CTNNA2: variants seen among roughly 807,000 people sequenced by gnomAD.
CTNNA2 encodes catenin alpha-2.
In CTNNA2, 42 loss-of-function variants were observed where a neutral mutation model predicts 101.0. The observed-to-expected ratio is 0.42, with a 90% CI of 0.32 to 0.54. CTNNA2 has a LOEUF of 0.54. Among genes scored for constraint, CTNNA2 ranks in the 20% least tolerant of loss-of-function variants. The pLI is 0.14. For missense variants in CTNNA2, 871 were observed against 1,223.1 expected (o/e 0.71, Z 4.29); for synonymous variants, 450 against 456.4 (o/e 0.99, Z 0.18).
At chr2:79,826,208 A>G (rs1466695902) in intron 3 of CTNNA2, among the ~76,000 whole-genome samples, 1 of 152,264 alleles carries the variant, frequency 6.6e-6, no homozygotes, top group Non-Finnish European at 1.5e-5. Flanking sequence ...TGAATCATTC[A>G]GATTTTATAA....
chr2:80,179,582 C>A (rs1025558776), intron 7 of CTNNA2, among the ~76,000 whole-genome samples: 2 of 152,072 alleles, frequency 1.3e-5, no homozygotes, highest in Admixed American at 1.3e-4. Flanking sequence ...ACCGTGTTAG[C>A]CAGGATGGTC....
intron 7 of CTNNA2, among the ~76,000 whole-genome samples, chr2:80,308,574 G>A (rs887391954): frequency 2.6e-5 from 4 of 152,150 alleles, no homozygotes; most frequent in Non-Finnish European, 5.9e-5. Context: ...GAGAGGCTGA[G>A]GGTGGGGGCC....
At chr2:79,405,624 C>T (rs1678333001) in intron 4 of CTNNA2, among the ~76,000 whole-genome samples, 1 of 152,026 alleles carries the variant, frequency 6.6e-6, no homozygotes, top group Non-Finnish European at 1.5e-5. Context: ...CTGTGACAGG[C>T]TTGTTATTGT....
chr2:79,289,017 A>T (rs1675711049), intron 2 of CTNNA2, among the ~76,000 whole-genome samples: 1 of 152,164 alleles, frequency 6.6e-6, no homozygotes, highest in Non-Finnish European at 1.5e-5. Flanking sequence ...ATACAATTTG[A>T]TTGCTTTTTG....
intron 6 of CTNNA2, among the ~76,000 whole-genome samples, chr2:79,894,833 G>A (rs1326749194): frequency 5.3e-5 from 8 of 152,128 alleles, no homozygotes; most frequent in Admixed American, 5.2e-4. Context: ...ATCATGTATT[G>A]TTCACACTTT....
intron 2 of CTNNA2, among the ~76,000 whole-genome samples, chr2:79,704,037 A>G (rs1013108482): frequency 6.6e-6 from 1 of 152,168 alleles, no homozygotes; most frequent in Admixed American, 6.5e-5. Flanking sequence ...AAAATAAATT[A>G]CATTAAATAT....
chr2:79,368,806 A>C (rs1415370162), intron 3 of CTNNA2, among the ~76,000 whole-genome samples: 1 of 152,196 alleles, frequency 6.6e-6, no homozygotes, highest in Non-Finnish European at 1.5e-5. Context: ...ATGAAATTAA[A>C]GCTTTTTATC....
At position 79,965,850 on chromosome 2, in the gene CTNNA2, A is replaced by AAT. The variant is rs1690015177; in HGVS notation, c.1056+56053_1056+56054insAT. 2.9e-5 allele frequency among the ~76,000 whole-genome samples: 4 copies of AAT among 140,190 alleles called. No homozygotes were observed. The South Asian group carries it at 9.3e-4, about 32-fold the overall frequency. 92.0% of individuals were successfully genotyped at this position (140,190 alleles called of 152,430 possible). A position where few individuals can be genotyped will look rare whatever the true frequency, so the allele number is the denominator to read the frequency against. On this transcript the variant is annotated intron_variant, in intron 7 of 18. Coordinates refer to ENST00000402739, the MANE Select transcript of CTNNA2 (RefSeq NM_001282597.3). ...GTCAAAAAAAAAAAAAAAAAAAAAA[A>AAT]GAAGAAAAGAAAGAAAAGAAAAGAA... is the stretch of plus-strand genomic sequence containing the variant.
At chr2:80,051,197 A>G (rs555118394) in intron 7 of CTNNA2, among the ~76,000 whole-genome samples, 1 of 152,344 alleles carries the variant, frequency 6.6e-6, no homozygotes, top group South Asian at 2.1e-4. Flanking sequence ...TAGGATTGTC[A>G]CTGGTAATTA....
At chr2:79,423,543 C>T (rs1468705739) in intron 4 of CTNNA2, among the ~76,000 whole-genome samples, 1 of 152,082 alleles carries the variant, frequency 6.6e-6, no homozygotes, top group Non-Finnish European at 1.5e-5. Flanking sequence ...TTAAAGAACT[C>T]CTCTCTAGGT....
In CTNNA2 at chr2:79,824,864, A is replaced by G. The variant is rs149129696; in HGVS notation, c.299-33149A>G. 4.2e-4 allele frequency among the ~76,000 whole-genome samples: 64 copies of G among 152,196 alleles called. 1 individual carries two copies. In the East Asian group the frequency reaches 0.011, roughly 27 times the overall value. On this transcript the variant is annotated intron_variant, in intron 3 of 18. Transcript: ENST00000402739. ...GTTTTCAAATTCCTCAACATTTGTT[A>G]ATTCTTGTGTTTTGTTTTTATACTT... is the stretch of plus-strand genomic sequence containing the variant.
At chr2:79,376,781 C>T (rs1677981238) in intron 4 of CTNNA2, among the ~76,000 whole-genome samples, 2 of 152,032 alleles carry the variant, frequency 1.3e-5, no homozygotes, top group Admixed American at 1.3e-4. Context: ...TGATGGTTTC[C>T]AGCTTCATAC....
intron 13 of CTNNA2, among the ~76,000 whole-genome samples, chr2:80,576,825 G>GC (rs1473860652): frequency 2.7e-5 from 4 of 148,328 alleles, no homozygotes; most frequent in African/African-American, 9.9e-5. Flanking sequence ...AATCAGCCAG[G>GC]CATGTTGGCG....
intron 9 of CTNNA2, among the ~76,000 whole-genome samples, chr2:80,492,458 A>G (rs1416153171): frequency 6.6e-6 from 1 of 152,176 alleles, no homozygotes; most frequent in African/African-American, 2.4e-5. Context: ...ATTTGTCACT[A>G]TCCCTTATAC....
At position 80,546,172 on chromosome 2, in the gene CTNNA2, G is replaced by C. The variant is rs979347965; in HGVS notation, c.1540+109G>C. 4.5e-6 allele frequency: 6 copies of C among 1,344,312 alleles called. No individual in the cohort carries two copies. In the African/African-American group the frequency reaches 8.8e-5, roughly 20 times the overall value. 83.3% of individuals were successfully genotyped at this position (1,344,312 alleles called of 1,614,324 possible). A position where few individuals can be genotyped will look rare whatever the true frequency, so the allele number is the denominator to read the frequency against. ...ATCTGTGTTTCAGGCGCACTCCTTA[G>C]ATCTTTGAGCTTTTTTGATCATCTC... On this transcript the variant is annotated intron_variant, in intron 11 of 18. Transcript: ENST00000402739.
chr2:80,258,552 A>G (rs1672350741), intron 7 of CTNNA2, among the ~76,000 whole-genome samples: 2 of 152,134 alleles, frequency 1.3e-5, no homozygotes, highest in African/African-American at 2.4e-5. Flanking sequence ...ACATATAGTC[A>G]AGCTAGGGAA....
intron 9 of CTNNA2, among the ~76,000 whole-genome samples, chr2:80,509,132 G>T (rs939811243): frequency 1.6e-4 from 24 of 152,254 alleles, no homozygotes; most frequent in African/African-American, 5.1e-4. Flanking sequence ...CCTCACGTGG[G>T]TATAACACAT....
At chr2:80,496,879 T>A (rs1687517996) in intron 9 of CTNNA2, among the ~76,000 whole-genome samples, 1 of 152,214 alleles carries the variant, frequency 6.6e-6, no homozygotes, top group African/African-American at 2.4e-5. Flanking sequence ...CCACTTTTAT[T>A]TTTGAACTGC....
chr2:80,630,954 T>TAAC (rs1672225254), intron 18 of CTNNA2, among the ~76,000 whole-genome samples: 1 of 152,188 alleles, frequency 6.6e-6, no homozygotes, highest in Admixed American at 6.5e-5. Context: ...TGGAGAACTG[T>TAAC]AACAGGCAGT....
Sources: gnomAD v4.1 joint callset for allele counts (sites outside exome capture counted in the v4.1 genomes callset) on GRCh38, gnomAD v4.1.1 for gene constraint, MANE v1.5 for transcripts, NCBI Gene and HGNC (gene_info 2026-07-23, HGNC 2026-07-21) for gene names.